The following IMMP2L variants were observed in gnomAD, a reference collection of about 807,000 sequenced individuals.
IMMP2L encodes the protein inner mitochondrial membrane peptidase subunit 2.
Under a neutral mutation model 19.3 loss-of-function variants are expected in IMMP2L, and 18 were observed. The ratio of observed to expected loss-of-function variants is 0.93; its 90% CI spans 0.64 to 1.38. The LOEUF (loss-of-function observed/expected upper bound fraction) is 1.38. Ranked by LOEUF, IMMP2L falls within the 40% of genes most tolerant of loss-of-function variation. IMMP2L has a pLI of 0.00. For synonymous variants in IMMP2L, 76 were observed against 73.0 expected (o/e 1.04, Z -0.21); for missense variants, 233 against 218.2 (o/e 1.07, Z -0.43).
chr7:110,763,111 T>A (rs527268820), intron 5 of IMMP2L, among the ~76,000 whole-genome samples: 3 of 151,984 alleles, frequency 2.0e-5, no homozygotes, highest in African/African-American at 7.2e-5. Context: ...GAAATCCACA[T>A]TGGGTTTCTT....
chr7:111,473,829 A>G (rs1841481606), intron 3 of IMMP2L, among the ~76,000 whole-genome samples: 2 of 152,160 alleles, frequency 1.3e-5, no homozygotes, highest in African/African-American at 4.8e-5. Flanking sequence ...GCATATATCA[A>G]AAGGAAAATA....
chr7:111,069,482 T>C (rs1794774314), intron 3 of IMMP2L, among the ~76,000 whole-genome samples: 1 of 152,178 alleles, frequency 6.6e-6, no homozygotes, highest in African/African-American at 2.4e-5. Flanking sequence ...CCTAGGGTCT[T>C]TGAAAAGTAA....
chr7:111,153,814 C>G (rs974844201), intron 3 of IMMP2L, among the ~76,000 whole-genome samples: 2 of 152,066 alleles, frequency 1.3e-5, no homozygotes, highest in African/African-American at 4.8e-5. Flanking sequence ...CATTCAATGA[C>G]TGCTCATATC....
At chr7:110,673,836 T>A (rs537989292) in intron 5 of IMMP2L, among the ~76,000 whole-genome samples, 2 of 152,270 alleles carry the variant, frequency 1.3e-5, no homozygotes, top group South Asian at 2.1e-4. Flanking sequence ...GTTCCAAACT[T>A]CCCCATATCT....
Position 110,960,979 on chromosome 7 carries a change from A to G in IMMP2L, c.305+2521T>C, listed in dbSNP as rs114066644. Among the ~76,000 whole-genome samples the G allele has an allele frequency of 2.6e-3, 390 of 152,036 alleles. 1 individual carries two copies. The highest frequency in any genetic ancestry group is 9.0e-3 in the African/African-American group (373 of 41,518). ...CAGAGAAATGCAATTCAAAACCACA[A>G]TGAGATTCTACTTCTCACCCACTAG... On this transcript the variant is annotated intron_variant, in intron 4 of 5. Coordinates refer to ENST00000405709, the MANE Select transcript of IMMP2L (RefSeq NM_032549.4).
chr7:111,055,417 C>T (rs558686018), intron 3 of IMMP2L, among the ~76,000 whole-genome samples: 1 of 152,336 alleles, frequency 6.6e-6, no homozygotes, highest in South Asian at 2.1e-4. Flanking sequence ...GAAGGCAGAG[C>T]TCTCATAGCT....
chr7:111,286,268 T>C (rs1213932500), intron 3 of IMMP2L, among the ~76,000 whole-genome samples: 1 of 152,166 alleles, frequency 6.6e-6, no homozygotes, highest in East Asian at 1.9e-4. Flanking sequence ...AGTTTAGCTA[T>C]TCCTGACACT....
chr7:110,936,748 C>T (rs1816153906), intron 4 of IMMP2L, among the ~76,000 whole-genome samples: 1 of 151,862 alleles, frequency 6.6e-6, no homozygotes, highest in African/African-American at 2.4e-5. Context: ...GACACATGCA[C>T]ACACATGTTT....
intron 3 of IMMP2L, among the ~76,000 whole-genome samples, chr7:111,098,601 C>T (rs1412288097): frequency 6.6e-6 from 1 of 151,698 alleles, no homozygotes; most frequent in Non-Finnish European, 1.5e-5. Context: ...ACTGGCAGAT[C>T]TCATTTACAA....
intron 3 of IMMP2L, among the ~76,000 whole-genome samples, chr7:111,231,750 G>A (rs1290707566): frequency 6.6e-6 from 1 of 151,984 alleles, no homozygotes; most frequent in Non-Finnish European, 1.5e-5. Flanking sequence ...CATAAAGTCA[G>A]AGAACTATGA....
chr7:111,268,420 T>C (rs1641795608), intron 3 of IMMP2L, among the ~76,000 whole-genome samples: 1 of 129,582 alleles, frequency 7.7e-6, no homozygotes, highest in South Asian at 2.3e-4. Context: ...GTGGCAGCAA[T>C]AGGAAAACAA....
intron 5 of IMMP2L, among the ~76,000 whole-genome samples, chr7:110,699,421 C>T (rs1209028659): frequency 1.3e-5 from 2 of 152,112 alleles, no homozygotes; most frequent in African/African-American, 4.8e-5. Context: ...AATATAGCTC[C>T]CCTCTCCTTG....
At chr7:111,374,517 C>G (rs573752340) in intron 3 of IMMP2L, among the ~76,000 whole-genome samples, 1 of 152,192 alleles carries the variant, frequency 6.6e-6, no homozygotes, top group Non-Finnish European at 1.5e-5. Context: ...TCCATTCTTT[C>G]TCCCACATTA....
chr7:111,382,159 A>C (rs942827710), intron 3 of IMMP2L, among the ~76,000 whole-genome samples: 2 of 151,926 alleles, frequency 1.3e-5, no homozygotes, highest in South Asian at 2.1e-4. Flanking sequence ...TGACACAAAA[A>C]TTCTGAAAAG....
At chr7:111,364,588 T>C (rs565937605) in intron 3 of IMMP2L, among the ~76,000 whole-genome samples, 1 of 151,258 alleles carries the variant, frequency 6.6e-6, no homozygotes, top group East Asian at 2.0e-4. Context: ...TGAGTCAAGA[T>C]TGCGCCACTG....
intron 3 of IMMP2L, among the ~76,000 whole-genome samples, chr7:111,383,551 T>C (rs1276800042): frequency 3.9e-5 from 6 of 152,122 alleles, no homozygotes; most frequent in South Asian, 4.1e-4. Flanking sequence ...ACACTCCTCA[T>C]TGAAAAAGTC....
intron 4 of IMMP2L, among the ~76,000 whole-genome samples, chr7:110,950,800 A>C (rs2129554127): frequency 6.8e-6 from 1 of 147,244 alleles, no homozygotes; most frequent in African/African-American, 2.5e-5. Flanking sequence ...ATGTATTTTT[A>C]ACCATTTCCG....
chr7:110,923,471 G>A (rs1042905163), intron 4 of IMMP2L, among the ~76,000 whole-genome samples: 3 of 152,062 alleles, frequency 2.0e-5, no homozygotes, highest in African/African-American at 4.8e-5. Flanking sequence ...AATAGAGAGT[G>A]AACTCATAGA....
At chr7:111,066,458 TG>T (rs1287519228) in intron 3 of IMMP2L, among the ~76,000 whole-genome samples, 1 of 152,216 alleles carries the variant, frequency 6.6e-6, no homozygotes, top group African/African-American at 2.4e-5. Flanking sequence ...AAAAGATTTT[TG>T]TGAAGGAAAT....
Sources: allele counts gnomAD v4.1 joint callset (sites outside exome capture counted in the v4.1 genomes callset), GRCh38; gene constraint gnomAD v4.1.1; transcripts MANE v1.5; gene names NCBI Gene and HGNC (gene_info 2026-07-23, HGNC 2026-07-21).